DIS3L2: variants seen among roughly 807,000 people sequenced by gnomAD.
DIS3L2 encodes the protein DIS3 like 3'-5' exoribonuclease 2, also known as DIS3-like exonuclease 2.
DIS3L2 carries 34 observed loss-of-function variants against 97.5 expected under a neutral mutation model. That is an observed-to-expected ratio of 0.35 (90% CI 0.27 to 0.46). The LOEUF is 0.46. Among genes scored for constraint, DIS3L2 ranks in the 20% least tolerant of loss-of-function variants. DIS3L2 has a pLI of 1.00. For missense variants in DIS3L2, 1,038 were observed against 1,146.0 expected (o/e 0.91, Z 1.36); for synonymous variants, 435 against 445.2 (o/e 0.98, Z 0.29).
At chr2:232,023,103 C>T (rs1248590944) in intron 3 of DIS3L2, 2 of 152,200 alleles carry the variant, frequency 1.3e-5, no homozygotes, top group Non-Finnish European at 2.9e-5. Flanking sequence ...ATCTCTGAAG[C>T]CTCTTCTGGT....
At position 232,281,331 on chromosome 2, in the gene DIS3L2, G is replaced by T. The variant is rs775025755; in HGVS notation, c.1659+17891G>T. On this transcript the variant is annotated intron_variant, in intron 13 of 20. Coordinates refer to ENST00000325385, the MANE Select transcript of DIS3L2 (RefSeq NM_152383.5). The surrounding 1 kb of genome is among the most constrained non-coding windows in gnomAD (Gnocchi z 4.1). Reference sequence around the variant, plus strand: ...GGAGAAGGGCGTGAACCCGGGAGGCGGAGCTTGCAGTGAGCCGAGATGGCG... The same window carrying T: ...GGAGAAGGGCGTGAACCCGGGAGGCTGAGCTTGCAGTGAGCCGAGATGGCG... 1.3e-5 allele frequency among the ~76,000 whole-genome samples: 2 copies of T among 152,172 alleles called. No homozygotes were observed. Among genetic ancestry groups the T allele is most frequent in the Non-Finnish European group, 2.9e-5 (2 of 68,026 alleles).
At chr2:232,136,141 GA>G (rs971894052) in intron 7 of DIS3L2, among the ~76,000 whole-genome samples, 4 of 152,152 alleles carry the variant, frequency 2.6e-5, no homozygotes, top group Admixed American at 6.5e-5. Context: ...GTTCATGTGA[GA>G]AAAATATAAT....
At chr2:231,987,346 A>G (rs1693445933) in intron 1 of DIS3L2, among the ~76,000 whole-genome samples, 1 of 152,246 alleles carries the variant, frequency 6.6e-6, no homozygotes, top group Non-Finnish European at 1.5e-5. Context: ...TATGAAATAC[A>G]TGTGTATGGG....
At chr2:232,232,293 A>T (rs1692815546) in intron 10 of DIS3L2, among the ~76,000 whole-genome samples, 1 of 152,212 alleles carries the variant, frequency 6.6e-6, no homozygotes, top group South Asian at 2.1e-4. Context: ...CTGCGTGCTC[A>T]GGGCAGCAGG....
At chr2:232,114,221 C>T (rs1162946493) in intron 6 of DIS3L2, among the ~76,000 whole-genome samples, 1 of 151,682 alleles carries the variant, frequency 6.6e-6, no homozygotes, top group Non-Finnish European at 1.5e-5. Flanking sequence ...TTCCCATCCC[C>T]CCACCCCAAA....
In DIS3L2 at chr2:232,292,563, C is replaced by T. The variant is rs1265853956; in HGVS notation, c.1660-7477C>T. Among the ~76,000 whole-genome samples, 1 of 152,212 alleles carries T rather than the reference C, an allele frequency of 6.6e-6. No homozygotes were observed. The highest frequency in any genetic ancestry group is 1.9e-4 in the East Asian group (1 of 5,186). On this transcript the variant is annotated intron_variant, in intron 13 of 20. Transcript: ENST00000325385. This position sits in a 1 kb window ranked among gnomAD's most constrained non-coding sequence, Gnocchi z 4.4. ...CTTCAACTCATCCAGGCTCCTAGAG[C>T]TCACCCACGCGATTCTCTTAAGGCC... is the stretch of plus-strand genomic sequence containing the variant.
intron 12 of DIS3L2, among the ~76,000 whole-genome samples, chr2:232,255,447 G>T (rs1204970257): frequency 6.6e-6 from 1 of 152,188 alleles, no homozygotes; most frequent in Admixed American, 6.5e-5. Flanking sequence ...GGCATGGTCA[G>T]CTATAGAAAG....
intron 1 of DIS3L2, among the ~76,000 whole-genome samples, chr2:232,009,406 C>CTT: frequency 6.6e-6 from 1 of 152,252 alleles, no homozygotes; most frequent in East Asian, 1.9e-4. Flanking sequence ...TCCATGGAGT[C>CTT]TGTTTCTCCA....
rs1375968246 is a variant in DIS3L2 at position 232,336,777 on chromosome 2, C to CTT, written c.*150_*151dup. On this transcript the variant is annotated 3_prime_UTR_variant, in exon 21 of 21. Coordinates refer to ENST00000325385, the MANE Select transcript of DIS3L2 (RefSeq NM_152383.5). ...TTTTTATTTAATTTTTGCAGCTCAA[C>CTT]TTTTAAACAAACTGCAGGGGAGAGG... 4.8e-6 allele frequency: 7 copies of CTT among 1,471,028 alleles called. No homozygotes were observed. The highest frequency in any genetic ancestry group is 5.0e-5 in the East Asian group (2 of 40,020). 91.1% of individuals were successfully genotyped at this position (1,471,028 alleles called of 1,614,324 possible). A position where few individuals can be genotyped will look rare whatever the true frequency, so the allele number is the denominator to read the frequency against.
At chr2:232,288,654 G>C (rs1188392730) in intron 13 of DIS3L2, among the ~76,000 whole-genome samples, 1 of 152,212 alleles carries the variant, frequency 6.6e-6, no homozygotes, top group Non-Finnish European at 1.5e-5. Flanking sequence ...TCTGTTCTCT[G>C]CTGTTTTTTC....
chr2:231,992,975 T>C (rs1389289313), intron 1 of DIS3L2, among the ~76,000 whole-genome samples: 2 of 152,156 alleles, frequency 1.3e-5, no homozygotes, highest in Non-Finnish European at 1.5e-5. Context: ...ATATTCTTCC[T>C]AGGCTGATCG....
intron 6 of DIS3L2, among the ~76,000 whole-genome samples, chr2:232,091,817 G>T (rs1400031897): frequency 1.3e-5 from 2 of 152,012 alleles, no homozygotes; most frequent in East Asian, 3.9e-4. Context: ...ATTTGTTATT[G>T]CCTATCTTTT....
At chr2:231,971,272 A>ATT (rs35737444) in intron 1 of DIS3L2, among the ~76,000 whole-genome samples, 91 of 145,310 alleles carry the variant, frequency 6.3e-4, no homozygotes, top group African/African-American at 1.2e-3. Context: ...TTATTTTGTC[A>ATT]TTTTTTTTTT....
intron 8 of DIS3L2, among the ~76,000 whole-genome samples, chr2:232,149,737 G>T (rs1690343115): frequency 3.4e-5 from 1 of 29,008 alleles, no homozygotes; most frequent in South Asian, 9.7e-4. Flanking sequence ...GGGTCAAATG[G>T]TATTTCTAGT....
At chr2:232,043,205 C>T (rs1695154791) in intron 5 of DIS3L2, among the ~76,000 whole-genome samples, 2 of 152,142 alleles carry the variant, frequency 1.3e-5, no homozygotes, top group South Asian at 4.2e-4. Flanking sequence ...ATTATCTTTA[C>T]TCCAAAGCTC....
intron 1 of DIS3L2, among the ~76,000 whole-genome samples, chr2:231,963,670 G>T (rs949254337): frequency 2.6e-5 from 4 of 152,128 alleles, no homozygotes; most frequent in African/African-American, 4.8e-5. Flanking sequence ...GCCAAGGTCA[G>T]TGTCAAGAAG....
At chr2:232,197,267 A>G (rs938530510) in intron 9 of DIS3L2, among the ~76,000 whole-genome samples, 2 of 152,240 alleles carry the variant, frequency 1.3e-5, no homozygotes, top group Non-Finnish European at 2.9e-5. Flanking sequence ...AGATAAAGTC[A>G]TATTAAAATT....
intron 6 of DIS3L2, among the ~76,000 whole-genome samples, chr2:232,101,913 G>C (rs1239764138): frequency 6.6e-6 from 1 of 152,210 alleles, no homozygotes; most frequent in Non-Finnish European, 1.5e-5. Flanking sequence ...TTGAGATAAA[G>C]GTTTTGGGGA....
At chr2:232,188,508 G>A (rs1400904361) in intron 9 of DIS3L2, among the ~76,000 whole-genome samples, 1 of 152,140 alleles carries the variant, frequency 6.6e-6, no homozygotes, top group Admixed American at 6.5e-5. Context: ...TGGCATTAGA[G>A]GAATTTGCCA....
Sources: allele counts gnomAD v4.1 joint callset (sites outside exome capture counted in the v4.1 genomes callset), GRCh38; gene constraint gnomAD v4.1.1; non-coding constraint Gnocchi (gnomAD v3.1); transcripts MANE v1.5; gene names NCBI Gene and HGNC (gene_info 2026-07-23, HGNC 2026-07-21).